MYO16: variants seen among roughly 807,000 people sequenced by gnomAD.
MYO16 encodes unconventional myosin-XVI.
In MYO16, 94 loss-of-function variants were observed where a neutral mutation model predicts 205.3. The observed-to-expected ratio is 0.46, with a 90% confidence interval of 0.39 to 0.54. The LOEUF (loss-of-function observed/expected upper bound fraction) is 0.54. Ranked by LOEUF, MYO16 falls within the 20% of genes least tolerant of loss-of-function variation. MYO16 has a pLI of 0.00. For synonymous variants in MYO16, 988 were observed against 954.0 expected (o/e 1.04, Z -0.66); for missense variants, 2,315 against 2,387.5 (o/e 0.97, Z 0.63).
At chr13:108,498,174 A>C in the MYO16 span, among the ~76,000 whole-genome samples, 2 of 152,202 alleles carry the variant, frequency 1.3e-5, no homozygotes, top group Non-Finnish European at 2.9e-5. Context: ...CCCTTTCCGG[A>C]TCTCATCACC....
At chr13:108,935,387 G>GC (rs1882432293) in intron 16 of MYO16, among the ~76,000 whole-genome samples, 1 of 152,092 alleles carries the variant, frequency 6.6e-6, no homozygotes, top group Admixed American at 6.5e-5. Context: ...TTGTAAAAGG[G>GC]ATTGCACTCT....
chr13:108,631,895 T>C (rs1357862800), intron 1 of MYO16, among the ~76,000 whole-genome samples: 1 of 152,066 alleles, frequency 6.6e-6, no homozygotes, highest in East Asian at 1.9e-4. Context: ...CTGGCCAACA[T>C]AGTGAAACCC....
At chr13:108,562,946 T>C in the MYO16 span, among the ~76,000 whole-genome samples, 2 of 152,170 alleles carry the variant, frequency 1.3e-5, no homozygotes, top group African/African-American at 4.8e-5. Context: ...TAAATATGTA[T>C]ATGAACCAGT....
the MYO16 span, among the ~76,000 whole-genome samples, chr13:108,555,289 T>G: frequency 6.6e-6 from 1 of 152,196 alleles, no homozygotes; most frequent in African/African-American, 2.4e-5. Context: ...GCTTTCCGAT[T>G]TTTAAAACAT....
At position 108,961,402 on chromosome 13, in the gene MYO16, C is replaced by T. The variant is rs1883574196; in HGVS notation, c.2038-137C>T. 3 of 630,136 alleles carry T rather than the reference C, an allele frequency of 4.8e-6. No individual in the cohort carries two copies. The Admixed American group carries it at 7.4e-5, about 16-fold the overall frequency. 39.0% of individuals were successfully genotyped at this position (630,136 alleles called of 1,614,324 possible). Reference sequence around the variant, plus strand: ...CTGGTAGTTTTCTTGCCATATCGAACATTTGGGATCTGCAAACTCCCAACC... The same window carrying T: ...CTGGTAGTTTTCTTGCCATATCGAATATTTGGGATCTGCAAACTCCCAACC... On this transcript the variant is annotated intron_variant, in intron 17 of 34. Coordinates refer to ENST00000457511, the MANE Select transcript of MYO16 (RefSeq NM_001198950.3).
rs925913530 is a variant in MYO16, at chr13:109,162,777, A to G, written c.5165-2124A>G. Among the ~76,000 whole-genome samples, 5 of 152,312 alleles carry G rather than the reference A, an allele frequency of 3.3e-5. No homozygotes were observed. The highest frequency in any genetic ancestry group is 1.9e-4 in the East Asian group (1 of 5,166). On this transcript the variant is annotated intron_variant, in intron 32 of 34. Coordinates refer to ENST00000457511, the MANE Select transcript of MYO16 (RefSeq NM_001198950.3). This position sits in a 1 kb window ranked among gnomAD's most constrained non-coding sequence, Gnocchi z 4.6. ...AAAATAAAATAGGTGAAAGCAACAT[A>G]AAAGCAGGTGAGTACATCTTGAGCC... is the stretch of plus-strand genomic sequence containing the variant.
At chr13:108,592,345 G>T (rs2139285846), upstream of MYO16, among the ~76,000 whole-genome samples, 1 of 138,168 alleles carries the variant, frequency 7.2e-6, no homozygotes, top group African/African-American at 2.7e-5. Context: ...CTGTGTGTGG[G>T]ATGTGTGTGT....
upstream of MYO16, among the ~76,000 whole-genome samples, chr13:108,625,995 G>T (rs1411198281): frequency 6.6e-6 from 1 of 152,170 alleles, no homozygotes; most frequent in East Asian, 1.9e-4. Flanking sequence ...CCTTTTTGGA[G>T]CTGTGTCTCA....
the MYO16 span, among the ~76,000 whole-genome samples, chr13:108,519,256 T>A: frequency 6.6e-6 from 1 of 152,112 alleles, no homozygotes; most frequent in Non-Finnish European, 1.5e-5. Context: ...CCAATAATGA[T>A]TTGTAACATG....
intron 16 of MYO16, among the ~76,000 whole-genome samples, chr13:108,939,203 G>A (rs540550485): frequency 1.2e-4 from 19 of 152,282 alleles, no homozygotes; most frequent in Admixed American, 3.9e-4. Context: ...CCTGGGTCTG[G>A]GGAATGTCTG....
intron 20 of MYO16, among the ~76,000 whole-genome samples, chr13:108,988,281 C>T (rs912375787): frequency 6.6e-6 from 1 of 152,120 alleles, no homozygotes; most frequent in South Asian, 2.1e-4. Context: ...TATTACTATC[C>T]TGCCAATGTT....
the MYO16 span, among the ~76,000 whole-genome samples, chr13:108,522,539 A>C: frequency 6.6e-6 from 1 of 152,178 alleles, no homozygotes; most frequent in African/African-American, 2.4e-5. Context: ...CTCATAATAA[A>C]TTGACTCCAA....
the MYO16 span, among the ~76,000 whole-genome samples, chr13:108,587,021 G>T: frequency 6.6e-6 from 1 of 152,204 alleles, no homozygotes; most frequent in Non-Finnish European, 1.5e-5. Context: ...GAGACAGCAA[G>T]TGTTGCTAAG....
chr13:109,012,288 G>T (rs146371495), intron 22 of MYO16, among the ~76,000 whole-genome samples: 1,543 of 152,206 alleles, frequency 0.01, 37 homozygotes, highest in African/African-American at 0.035. Context: ...TTCACAGCAG[G>T]GGGTGAGCAG....
At chr13:108,772,732 T>C (rs1378799351) in intron 4 of MYO16, among the ~76,000 whole-genome samples, 2 of 152,206 alleles carry the variant, frequency 1.3e-5, no homozygotes, top group Non-Finnish European at 2.9e-5. Flanking sequence ...CTTGTTCTTA[T>C]AAAATACATA....
chr13:108,626,273 A>G (rs927078627), upstream of MYO16, among the ~76,000 whole-genome samples: 2 of 152,218 alleles, frequency 1.3e-5, no homozygotes, highest in African/African-American at 4.8e-5. Flanking sequence ...TTGAAATATT[A>G]TGCATTCGTA....
chr13:109,156,724 A>G (rs1051930123), intron 32 of MYO16, among the ~76,000 whole-genome samples: 1 of 152,172 alleles, frequency 6.6e-6, no homozygotes, highest in African/African-American at 2.4e-5. Context: ...CGTGCCACAC[A>G]GTCCTGCCCT....
intron 28 of MYO16, among the ~76,000 whole-genome samples, chr13:109,116,434 C>A (rs1277652933): frequency 6.6e-6 from 1 of 152,086 alleles, no homozygotes. Flanking sequence ...GCTTCGATTG[C>A]AACGCTGCTC....
Position 109,127,233 on chromosome 13 carries a change from A to G in MYO16, c.3783-49A>G. ...AGGTTCCTTGTTACCGGAATAATGC[A>G]TCTGGGCCTCTCTGGCGTGGTGCTG... On this transcript the variant is annotated intron_variant, in intron 30 of 34. Transcript: ENST00000457511. The surrounding 1 kb of genome is among the most constrained non-coding windows in gnomAD (Gnocchi z 4.2). 2 of 1,525,260 alleles carry G rather than the reference A, an allele frequency of 1.3e-6. No individual in the cohort carries two copies. The highest frequency in any genetic ancestry group is 2.6e-5 in the South Asian group (2 of 78,374). The allele number at this position is 1,525,260 out of a possible 1,614,324, so 94.5% of individuals were successfully genotyped here.
Sources: gnomAD v4.1 joint callset for allele counts (sites outside exome capture counted in the v4.1 genomes callset) on GRCh38, gnomAD v4.1.1 for gene constraint, Gnocchi (gnomAD v3.1) non-coding constraint, MANE v1.5 for transcripts, NCBI Gene and HGNC (gene_info 2026-07-23, HGNC 2026-07-21) for gene names.